HTR1F: variants seen among roughly 807,000 people sequenced by gnomAD.
HTR1F encodes 5-hydroxytryptamine (serotonin) receptor 1F, G protein-coupled.
HTR1F carries 17 observed loss-of-function variants against 24.0 expected under a neutral mutation model. The observed-to-expected ratio is 0.71, with a 90% confidence interval of 0.48 to 1.06. HTR1F has a LOEUF of 1.06. HTR1F is among the 50% of genes least tolerant of loss of function. HTR1F has a pLI of 0.00. For synonymous variants in HTR1F, 186 were observed against 156.8 expected (o/e 1.19, Z -1.39); for missense variants, 391 against 427.8 (o/e 0.91, Z 0.76).
rs569967731 is a variant in HTR1F at position 87,903,682 on chromosome 3, G to A, written c.-43+81558G>A. Among the ~76,000 whole-genome samples the A allele has an allele frequency of 5.3e-5, 8 of 152,092 alleles. No homozygotes were observed. The South Asian group carries it at 1.2e-3, about 24-fold the overall frequency. Reference sequence around the variant, plus strand: ...ACACTTTTACACTGTTGGTGGGACTGTAAACTAGTTCAACCCTTGTGGAAG... The same window carrying A: ...ACACTTTTACACTGTTGGTGGGACTATAAACTAGTTCAACCCTTGTGGAAG... On this transcript the variant is annotated intron_variant, in intron 2 of 2. Transcript: ENST00000319595.
chr3:87,832,362 C>T (rs1704599563), intron 2 of HTR1F, among the ~76,000 whole-genome samples: 4 of 132,270 alleles, frequency 3.0e-5, no homozygotes. Context: ...GAGTCTCGCT[C>T]TGTCGCCCAG....
rs146225947 is a variant in HTR1F at position 87,955,100 on chromosome 3, G to T, written c.-42-35608G>T. On this transcript the variant is annotated intron_variant, in intron 2 of 2. Transcript: ENST00000319595. ...AAGATAAATTATATCAATTTAAAAT[G>T]CAAAATTCTACGAATTTTAATAGTT... 2.0e-5 allele frequency among the ~76,000 whole-genome samples: 3 copies of T among 151,384 alleles called. No individual in the cohort carries two copies. In the East Asian group the frequency reaches 5.8e-4, roughly 29 times the overall value.
At chr3:87,925,199 C>T (rs1001071313) in intron 2 of HTR1F, among the ~76,000 whole-genome samples, 9 of 152,032 alleles carry the variant, frequency 5.9e-5, no homozygotes, top group African/African-American at 2.2e-4. Flanking sequence ...CTGAGCAAGC[C>T]AGTTCTTTGG....
intron 2 of HTR1F, among the ~76,000 whole-genome samples, chr3:87,979,117 AAGGGAGGGAGGGAGGG>A (rs766027776): frequency 0.021 from 103 of 4,930 alleles, 4 homozygotes; most frequent in African/African-American, 0.05. Flanking sequence ...GGGAGGAAGG[AAGGGAGGGAGGGAGGG>A]AGGGAGGGAG....
chr3:87,829,119 C>T (rs911287067), intron 2 of HTR1F, among the ~76,000 whole-genome samples: 3 of 151,434 alleles, frequency 2.0e-5, no homozygotes, highest in East Asian at 1.9e-4. Flanking sequence ...ACTTCTATGG[C>T]TGTTGCTGTG....
At chr3:87,890,444 T>A (rs1441855139) in intron 2 of HTR1F, among the ~76,000 whole-genome samples, 2 of 152,024 alleles carry the variant, frequency 1.3e-5, no homozygotes, top group Non-Finnish European at 2.9e-5. Flanking sequence ...TAGTAAACAA[T>A]TGCAAAACAA....
intron 1 of HTR1F, among the ~76,000 whole-genome samples, chr3:87,793,785 C>T (rs1489780): frequency 0.42 from 64,375 of 151,782 alleles, 16,422 homozygotes; most frequent in African/African-American, 0.72. Context: ...CCTTAAGGAG[C>T]AGATTTTGTT....
chr3:87,903,284 T>C (rs1212989237), intron 2 of HTR1F, among the ~76,000 whole-genome samples: 3 of 140,856 alleles, frequency 2.1e-5, no homozygotes, highest in East Asian at 2.1e-4. Context: ...TGGGATCTAA[T>C]TAAACTAAAG....
At chr3:87,882,697 G>T (rs554970443) in intron 2 of HTR1F, among the ~76,000 whole-genome samples, 34 of 128,224 alleles carry the variant, frequency 2.7e-4, no homozygotes, top group Admixed American at 2.2e-3. Context: ...ACACTCTGGG[G>T]ACTGTTGTGG....
At chr3:87,860,917 G>A (rs146459524) in intron 2 of HTR1F, among the ~76,000 whole-genome samples, 1,552 of 152,264 alleles carry the variant, frequency 0.01, 16 homozygotes, top group Middle Eastern at 0.02. Flanking sequence ...CAGCACCTTG[G>A]GAAATGAGGC....
chr3:87,849,140 G>T (rs940521702), intron 2 of HTR1F, among the ~76,000 whole-genome samples: 1 of 151,658 alleles, frequency 6.6e-6, no homozygotes, highest in East Asian at 1.9e-4. Context: ...AAAAGAGCCC[G>T]CATTGCCAAG....
intron 2 of HTR1F, among the ~76,000 whole-genome samples, chr3:87,978,889 G>GAA (rs1206260802): frequency 1.7e-5 from 1 of 58,118 alleles, no homozygotes; most frequent in African/African-American, 4.5e-5. Flanking sequence ...AGGGAGGGAG[G>GAA]GAGGAAGGAA....
intron 2 of HTR1F, among the ~76,000 whole-genome samples, chr3:87,932,169 T>C (rs1264164168): frequency 6.6e-6 from 1 of 152,202 alleles, no homozygotes; most frequent in African/African-American, 2.4e-5. Flanking sequence ...AGGGTTTTTA[T>C]GGTTTTAGGT....
intron 2 of HTR1F, among the ~76,000 whole-genome samples, chr3:87,875,210 G>A (rs1705643211): frequency 6.6e-6 from 1 of 152,152 alleles, no homozygotes; most frequent in South Asian, 2.1e-4. Flanking sequence ...CAGCGCTTTG[G>A]GAGGCTGAGG....
At chr3:87,884,372 C>T (rs775736998) in intron 2 of HTR1F, among the ~76,000 whole-genome samples, 5 of 152,154 alleles carry the variant, frequency 3.3e-5, no homozygotes, top group Non-Finnish European at 5.9e-5. Context: ...AAAGGAACAA[C>T]AGGTTATCAG....
At chr3:87,819,338 A>C (rs1209410347) in intron 1 of HTR1F, among the ~76,000 whole-genome samples, 1 of 148,274 alleles carries the variant, frequency 6.7e-6, no homozygotes, top group Non-Finnish European at 1.5e-5. Flanking sequence ...TTATACAATA[A>C]GATTTTTTTT....
At chr3:87,924,487 T>C (rs1275506385) in intron 2 of HTR1F, among the ~76,000 whole-genome samples, 3 of 152,160 alleles carry the variant, frequency 2.0e-5, no homozygotes, top group Non-Finnish European at 4.4e-5. Flanking sequence ...TTCTCATGTG[T>C]TTTCATGATG....
At chr3:87,937,834 G>A (rs1045017536) in intron 2 of HTR1F, among the ~76,000 whole-genome samples, 2 of 151,484 alleles carry the variant, frequency 1.3e-5, no homozygotes, top group African/African-American at 2.4e-5. Flanking sequence ...TGAGGCAGGA[G>A]AATCGCTTGA....
chr3:87,832,452 C>T (rs1462240541), intron 2 of HTR1F, among the ~76,000 whole-genome samples: 1 of 151,726 alleles, frequency 6.6e-6, no homozygotes, highest in Non-Finnish European at 1.5e-5. Context: ...CTCAGCCTCC[C>T]GAGTAGCTGG....
Sources: gnomAD v4.1 joint callset for allele counts (sites outside exome capture counted in the v4.1 genomes callset) on GRCh38, gnomAD v4.1.1 for gene constraint, MANE v1.5 for transcripts, NCBI Gene and HGNC (gene_info 2026-07-23, HGNC 2026-07-21) for gene names.